The following DLGAP1 variants were observed in gnomAD, a reference collection of about 807,000 sequenced individuals.
The protein encoded by DLGAP1 is DLG associated protein 1.
DLGAP1 carries 11 observed loss-of-function variants against 90.8 expected under a neutral mutation model. The observed-to-expected ratio is 0.12, with a 90% CI of 0.08 to 0.20. DLGAP1 has a LOEUF of 0.20. DLGAP1 is among the 10% of genes least tolerant of loss of function. The pLI is 1.00. For missense variants in DLGAP1, 1,050 were observed against 1,333.8 expected (o/e 0.79, Z 3.31); for synonymous variants, 558 against 540.7 (o/e 1.03, Z -0.44).
chr18:3,591,865 AT>A (rs1808411042), intron 7 of DLGAP1, among the ~76,000 whole-genome samples: 1 of 152,078 alleles, frequency 6.6e-6, no homozygotes, highest in African/African-American at 2.4e-5. Flanking sequence ...GGCATAAAGA[AT>A]AATTCTCCAG....
At chr18:3,760,570 G>A (rs371980753) in intron 5 of DLGAP1, among the ~76,000 whole-genome samples, 2 of 152,106 alleles carry the variant, frequency 1.3e-5, no homozygotes, top group African/African-American at 4.8e-5. Flanking sequence ...TGGGCTACAG[G>A]CTGCTTTCAT....
chr18:3,737,610 G>A (rs1034153629), intron 6 of DLGAP1, among the ~76,000 whole-genome samples: 2 of 150,486 alleles, frequency 1.3e-5, no homozygotes, highest in Admixed American at 6.7e-5. Context: ...ATTAGGTATT[G>A]ATGGGATGTA....
At position 3,894,064 on chromosome 18, in the gene DLGAP1, G is replaced by T. The variant is rs116111080; in HGVS notation, c.-72-13924C>A. On this transcript the variant is annotated intron_variant, in intron 3 of 12. Transcript: ENST00000315677. ...TGTCCTTTGCTCACTCTTTAATGGGGTTATTTGGTTTCTGAAATTGTTGAG... is the reference window on the plus strand; with the variant it reads ...TGTCCTTTGCTCACTCTTTAATGGGTTTATTTGGTTTCTGAAATTGTTGAG... 1.6e-3 allele frequency among the ~76,000 whole-genome samples: 251 copies of T among 152,148 alleles called. 1 individual carries two copies. The highest frequency in any genetic ancestry group is 5.9e-3 in the African/African-American group (244 of 41,526).
chr18:3,832,844 C>T (rs915655267), intron 4 of DLGAP1, among the ~76,000 whole-genome samples: 1 of 151,976 alleles, frequency 6.6e-6, no homozygotes, highest in South Asian at 2.1e-4. Context: ...GGGTGGAAAA[C>T]GGGAGGCAGC....
At chr18:3,679,492 C>T (rs1421924766) in intron 7 of DLGAP1, among the ~76,000 whole-genome samples, 1 of 151,786 alleles carries the variant, frequency 6.6e-6, no homozygotes, top group South Asian at 2.1e-4. Context: ...GCAATGAGCA[C>T]TTGATGATCA....
chr18:4,092,557 G>A (rs975087250), intron 2 of DLGAP1, among the ~76,000 whole-genome samples: 1 of 152,086 alleles, frequency 6.6e-6, no homozygotes, highest in Non-Finnish European at 1.5e-5. Flanking sequence ...CCCTCACCCA[G>A]GTATGGAGAT....
chr18:4,306,528 GA>G (rs1321426554), intron 1 of DLGAP1, among the ~76,000 whole-genome samples: 1 of 152,020 alleles, frequency 6.6e-6, no homozygotes, highest in Admixed American at 6.6e-5. Flanking sequence ...AGGAGTGGGA[GA>G]GGGGGTTGGA....
intron 3 of DLGAP1, among the ~76,000 whole-genome samples, chr18:3,919,008 T>C (rs1283649343): frequency 1.3e-5 from 2 of 152,188 alleles, no homozygotes; most frequent in Non-Finnish European, 2.9e-5. Context: ...AAAAAAGAAT[T>C]TGGATGCTTT....
At chr18:3,742,688 G>A (rs1397171374) in intron 5 of DLGAP1, among the ~76,000 whole-genome samples, 176 bp from the exon 6 acceptor site, 1 of 152,174 alleles carries the variant, frequency 6.6e-6, no homozygotes, top group Non-Finnish European at 1.5e-5. Context: ...CTTTTGACAG[G>A]AAATCATCAA....
At chr18:4,442,541 T>G (rs755238161) in intron 1 of DLGAP1, among the ~76,000 whole-genome samples, 1 of 152,198 alleles carries the variant, frequency 6.6e-6, no homozygotes, top group East Asian at 1.9e-4. Context: ...TGGGGTTACA[T>G]AGATGTGTAG....
At chr18:3,858,559 A>T (rs1245211107) in intron 4 of DLGAP1, among the ~76,000 whole-genome samples, 2 of 151,070 alleles carry the variant, frequency 1.3e-5, no homozygotes, top group East Asian at 3.9e-4. Flanking sequence ...TATATATATA[A>T]AACACCTGAT....
intron 1 of DLGAP1, among the ~76,000 whole-genome samples, chr18:4,397,697 T>C (rs1412824078): frequency 6.6e-6 from 1 of 152,196 alleles, no homozygotes; most frequent in East Asian, 1.9e-4. Context: ...AATAAGTAAA[T>C]TTCAACCATT....
chr18:3,716,633 A>C (rs972478620), intron 7 of DLGAP1, among the ~76,000 whole-genome samples: 1 of 152,184 alleles, frequency 6.6e-6, no homozygotes, highest in African/African-American at 2.4e-5. Flanking sequence ...TTTGGTTCCA[A>C]TATCAAAGAT....
intron 2 of DLGAP1, among the ~76,000 whole-genome samples, chr18:4,120,553 G>A (rs2076135513): frequency 6.6e-6 from 1 of 152,156 alleles, no homozygotes; most frequent in South Asian, 2.1e-4. Flanking sequence ...CGAGATTGGT[G>A]CTCAAAGCAG....
At chr18:4,200,743 T>C (rs891317127) in intron 1 of DLGAP1, among the ~76,000 whole-genome samples, 10 of 152,138 alleles carry the variant, frequency 6.6e-5, no homozygotes, top group African/African-American at 2.2e-4. Context: ...TACTTCACAG[T>C]TGAATTATAA....
intron 1 of DLGAP1, among the ~76,000 whole-genome samples, chr18:4,168,283 T>C (rs2076964665): frequency 1.3e-5 from 2 of 152,100 alleles, no homozygotes; most frequent in African/African-American, 2.4e-5. Flanking sequence ...AAATAGGTCC[T>C]CAAAAATATG....
In DLGAP1 at chr18:3,600,829, T is replaced by TATATATAG. The variant is rs2056911377; in HGVS notation, c.1592-18589_1592-18582dup. Among the ~76,000 whole-genome samples the TATATATAG allele has an allele frequency of 1.5e-4, 4 of 26,944 alleles. 1 individual carries two copies. Among genetic ancestry groups the TATATATAG allele is most frequent in the African/African-American group, 7.6e-4 (4 of 5,298 alleles). The allele number at this position is 26,944 out of a possible 152,430, so 17.7% of individuals were successfully genotyped here. A position where few individuals can be genotyped will look rare whatever the true frequency, so the allele number is the denominator to read the frequency against. On this transcript the variant is annotated intron_variant, in intron 7 of 12. Coordinates refer to ENST00000315677, the MANE Select transcript of DLGAP1 (RefSeq NM_004746.4). ...ATATAGATATATATAGATATATAGA[T>TATATATAG]ATATATAGATATATATAGATATATA...
chr18:4,168,749 ATTAAT>A (rs1443078787), intron 1 of DLGAP1, among the ~76,000 whole-genome samples: 24 of 152,100 alleles, frequency 1.6e-4, no homozygotes, highest in Admixed American at 4.6e-4. Context: ...TAAGTAAATG[ATTAAT>A]TTATTTATTT....
chr18:3,916,789 C>T (rs997731747), intron 3 of DLGAP1, among the ~76,000 whole-genome samples: 3 of 151,972 alleles, frequency 2.0e-5, no homozygotes, highest in African/African-American at 7.3e-5. Flanking sequence ...ATGAGCTGAT[C>T]GTTGTAGCAG....
Sources: gnomAD v4.1 joint callset for allele counts (sites outside exome capture counted in the v4.1 genomes callset) on GRCh38, gnomAD v4.1.1 for gene constraint, MANE v1.5 for transcripts, NCBI Gene and HGNC (gene_info 2026-07-23, HGNC 2026-07-21) for gene names.